IQCE: variants seen among roughly 807,000 people sequenced by gnomAD.
IQCE encodes the protein IQ motif containing E, also known as IQ domain-containing protein E.
Under a neutral mutation model 96.0 loss-of-function variants are expected in IQCE, and 115 were observed. The observed-to-expected ratio is 1.20, with a 90% confidence interval of 1.03 to 1.40. The LOEUF (loss-of-function observed/expected upper bound fraction) is 1.40, where lower values mean the gene tolerates loss of function less well. Ranked by LOEUF, IQCE falls within the 40% of genes most tolerant of loss-of-function variation. The pLI, the probability that IQCE is intolerant of heterozygous loss-of-function variation, is 0.00. For synonymous variants in IQCE, 412 were observed against 371.2 expected, an observed-to-expected ratio of 1.11 and a Z score of -1.26; for missense variants, 1,041 against 909.1, an observed-to-expected ratio of 1.15 and a Z score of -1.87.
chr7:2,586,795 A>G (rs749685398), intron 12 of IQCE, among the ~76,000 whole-genome samples: 1 of 152,220 alleles, frequency 6.6e-6, no homozygotes, highest in Non-Finnish European at 1.5e-5. Context: ...TGAAGACGGC[A>G]GCAGGCGTGG....
In IQCE at chr7:2,610,913, G is replaced by C. The variant is rs1785074354; in HGVS notation, c.*751G>C. 6.6e-6 allele frequency: 1 copy of C among 152,404 alleles called. No homozygotes were observed. Among genetic ancestry groups the C allele is most frequent in the African/African-American group, 2.4e-5 (1 of 41,456 alleles). The allele number at this position is 152,404 out of a possible 1,614,324, so 9.4% of individuals were successfully genotyped here. On this transcript the variant is annotated 3_prime_UTR_variant, in exon 22 of 22. Transcript: ENST00000402050. ...TCACACTTGCTTCTGAGAACAGCAG[G>C]GTGATGTCTGTTCCCAAGCTGGTGG...
chr7:2,586,435 C>T, intron 12 of IQCE, 64 bp downstream of exon 12: 2 of 1,498,026 alleles, frequency 1.3e-6, no homozygotes, highest in South Asian at 1.2e-5. Context: ...CAGGGCATGG[C>T]CACTGGGTAG....
intron 16 of IQCE, among the ~76,000 whole-genome samples, chr7:2,597,636 C>G (rs1378356591): frequency 2.6e-5 from 4 of 152,136 alleles, no homozygotes; most frequent in Non-Finnish European, 4.4e-5. Context: ...ATGGATGATA[C>G]ATTTGGAGTC....
intron 20 of IQCE, 105 bp from the exon 21 acceptor site, chr7:2,607,019 A>G (rs1784882907): frequency 2.8e-6 from 3 of 1,058,938 alleles, no homozygotes; most frequent in Non-Finnish European, 4.1e-6. Context: ...GTTTGCTTTC[A>G]TTGGAATACT....
intron 6 of IQCE, among the ~76,000 whole-genome samples, chr7:2,577,273 G>C (rs1782201067): frequency 6.6e-6 from 1 of 151,964 alleles, no homozygotes; most frequent in Non-Finnish European, 1.5e-5. Flanking sequence ...CGTGTGTGCG[G>C]TGTGTGCGCA....
At chr7:2,583,583 C>G (rs1020972896) in intron 9 of IQCE, 54 bp from the exon 10 acceptor site, 34 of 1,387,232 alleles carry the variant, frequency 2.5e-5, no homozygotes, top group Admixed American at 7.1e-5. Context: ...TCCTCTTGCT[C>G]TGTCCCCTGG....
At chr7:2,603,131 A>G (rs1463746469) in intron 18 of IQCE, among the ~76,000 whole-genome samples, 1 of 152,106 alleles carries the variant, frequency 6.6e-6, no homozygotes, top group African/African-American at 2.4e-5. Flanking sequence ...CGTCTCTGAC[A>G]GTCCCTCCCA....
At position 2,593,591 on chromosome 7, in the gene IQCE, G is replaced by A. The variant is rs183136376; in HGVS notation, c.1349+465G>A. ...ACGGAAGCCCTGACCGGCCCGGCCCGGGGACCCTGGAAAACCTGGTGCTCG... is the reference window on the plus strand; with the variant it reads ...ACGGAAGCCCTGACCGGCCCGGCCCAGGGACCCTGGAAAACCTGGTGCTCG... On this transcript the variant is annotated intron_variant, in intron 15 of 21. Transcript: ENST00000402050. Among the ~76,000 whole-genome samples the A allele has an allele frequency of 6.6e-5, 10 of 152,364 alleles. No individual in the cohort carries two copies. In the East Asian group the frequency reaches 1.5e-3, roughly 24 times the overall value.
chr7:2,587,842 C>T lies in IQCE; in HGVS notation c.1009C>T (p.Pro337Ser). The change falls in exon 13 of 22, where the codon CCC becomes TCC. Residue 337 changes from proline to serine, a missense_variant. By Grantham distance (74) the Pro-to-Ser change is moderately conservative (BLOSUM62 -1). Transcript: ENST00000402050. ...KTQGYVEWSK[P>S]RLLRRIVELE... is the part of the protein sequence containing the mutation. ...ATCAGGTTATGTGGAGTGGAGCAAG[C>T]CCCGGCTGCTGAGGCGCATTGTGGA... The T allele has an allele frequency of 6.2e-7, 1 of 1,614,030 alleles. No homozygotes were observed. Among genetic ancestry groups the T allele is most frequent in the Non-Finnish European group, 8.5e-7 (1 of 1,179,944 alleles).
chr7:2,596,200 A>G (rs929064121), intron 16 of IQCE, among the ~76,000 whole-genome samples: 1 of 152,290 alleles, frequency 6.6e-6, no homozygotes, highest in South Asian at 2.1e-4. Context: ...TGGAGGCTGC[A>G]GAGAGCCAAG....
chr7:2,574,589 C>T (rs1033429808), intron 6 of IQCE, among the ~76,000 whole-genome samples: 2 of 152,182 alleles, frequency 1.3e-5, no homozygotes, highest in South Asian at 2.1e-4. Flanking sequence ...TGGAAGACTG[C>T]GCTGAATGAA....
rs1036620738 is a variant in IQCE, at chr7:2,588,463, C to T, written c.1044+586C>T. ...CCGCCTCCCGAGTTCAAGTGATTCT[C>T]CTCCCTCAACCTCCCCAGTAGCTGG... On this transcript the variant is annotated intron_variant, in intron 13 of 21. Transcript: ENST00000402050. Among the ~76,000 whole-genome samples the T allele has an allele frequency of 1.2e-4, 18 of 150,624 alleles. No individual in the cohort carries two copies. The Admixed American group carries it at 1.2e-3, about 10-fold the overall frequency.
At chr7:2,591,518 C>T (rs552314935) in intron 14 of IQCE, among the ~76,000 whole-genome samples, 2 of 152,178 alleles carry the variant, frequency 1.3e-5, no homozygotes, top group East Asian at 1.9e-4. Flanking sequence ...GTGAGGCCAG[C>T]AGCAGCAACA....
At chr7:2,607,537 G>C in intron 21 of IQCE, 1 of 1,282,040 alleles carries the variant, frequency 7.8e-7, no homozygotes, top group Non-Finnish European at 9.8e-7. Flanking sequence ...TGTTTGTTGA[G>C]TAAAACCGTG....
intron 14 of IQCE, among the ~76,000 whole-genome samples, chr7:2,591,208 G>A (rs1282204611): frequency 2.0e-5 from 3 of 151,816 alleles, no homozygotes; most frequent in Admixed American, 6.6e-5. Flanking sequence ...AGCTATAATC[G>A]TACCACTGCA....
intron 19 of IQCE, among the ~76,000 whole-genome samples, 173 bp from the exon 20 acceptor site, chr7:2,605,703 C>A (rs1784765636): frequency 6.6e-6 from 1 of 152,036 alleles, no homozygotes; most frequent in South Asian, 2.1e-4. Context: ...AAATTCAGAA[C>A]CTGCCACCAG....
intron 10 of IQCE, 55 bp downstream of exon 10, chr7:2,583,764 C>A (rs1345049082): frequency 4.1e-6 from 1 of 245,078 alleles, no homozygotes; most frequent in East Asian, 1.5e-4. Flanking sequence ...GGCGGCGGGG[C>A]GGAGGGCGGG....
intron 12 of IQCE, 111 bp from the exon 13 acceptor site, chr7:2,587,711 C>G: frequency 1.8e-6 from 2 of 1,099,722 alleles, no homozygotes; most frequent in Non-Finnish European, 2.8e-6. Context: ...CTCTGCAGCC[C>G]CGCAGGCTGC....
In IQCE at chr7:2,582,802, A is replaced by C. The variant is rs78685263; in HGVS notation, c.701+152A>C. 5,369 of 637,094 alleles carry C rather than the reference A, an allele frequency of 8.4e-3. 189 individuals carry two copies. The highest frequency in any genetic ancestry group is 0.079 in the African/African-American group (4,270 of 54,390). The allele number at this position is 637,094 out of a possible 1,614,324, so 39.5% of individuals were successfully genotyped here. A position where few individuals can be genotyped will look rare whatever the true frequency, so the allele number is the denominator to read the frequency against. ...TTAGCTGCCTCTTTTTAATTTTTTT[A>C]TTGTCTTTGTTTCCTCCAGATAATT... On this transcript the variant is annotated intron_variant, in intron 9 of 21. Transcript: ENST00000402050.
Sources: gnomAD v4.1 joint callset for allele counts (sites outside exome capture counted in the v4.1 genomes callset) on GRCh38, gnomAD v4.1.1 for gene constraint, MANE v1.5 for transcripts, NCBI Gene and HGNC (gene_info 2026-07-23, HGNC 2026-07-21) for gene names.